C14orf119: variants seen among roughly 807,000 people sequenced by gnomAD.
C14orf119 encodes chromosome 14 open reading frame 119.
In C14orf119, 17 loss-of-function variants were observed where a neutral mutation model predicts 13.5. The observed-to-expected ratio is 1.26, with a 90% CI of 0.86 to 1.88. The LOEUF is 1.88. Ranked by LOEUF, C14orf119 falls within the 40% of genes most tolerant of loss-of-function variation. The pLI, the probability that C14orf119 is intolerant of heterozygous loss-of-function variation, is 0.00. For missense variants in C14orf119, 162 were observed against 165.9 expected, an observed-to-expected ratio of 0.98 and a Z score of 0.13; for synonymous variants, 61 against 61.9, an observed-to-expected ratio of 0.99 and a Z score of 0.07.
In C14orf119 at chr14:23,098,145, T is replaced by G. The variant is rs936391968; in HGVS notation, c.*64T>G. On this transcript the variant is annotated 3_prime_UTR_variant, in exon 2 of 2. Coordinates refer to ENST00000319074, the MANE Select transcript of C14orf119 (RefSeq NM_017924.4). ...AGCCATGACTCTCTACAATGATAAC[T>G]CAATTCAAATGTGTCGCCTAAAGCT... is the stretch of plus-strand genomic sequence containing the variant. 9.2e-6 allele frequency: 14 copies of G among 1,530,028 alleles called. No homozygotes were observed. In the African/African-American group the frequency reaches 1.8e-4, roughly 20 times the overall value. The allele number at this position is 1,530,028 out of a possible 1,614,324, so 94.8% of individuals were successfully genotyped here. A position where few individuals can be genotyped will look rare whatever the true frequency, so the allele number is the denominator to read the frequency against.
Position 23,099,792 on chromosome 14 carries a change from A to G in C14orf119, c.*1711A>G, listed in dbSNP as rs1367036883. ...CCGCCTCATCCAAGCATTAAGCTAA[A>G]CAGGAAATCATTAAGAGGGACTATC... is the stretch of plus-strand genomic sequence containing the variant. On this transcript the variant is annotated 3_prime_UTR_variant, in exon 2 of 2. Coordinates refer to ENST00000319074, the MANE Select transcript of C14orf119 (RefSeq NM_017924.4). The G allele has an allele frequency of 4.6e-6, 1 of 217,902 alleles. No homozygotes were observed. Among genetic ancestry groups the G allele is most frequent in the East Asian group, 1.0e-4 (1 of 9,714 alleles). The allele number at this position is 217,902 out of a possible 1,614,324, so 13.5% of individuals were successfully genotyped here. A position where few individuals can be genotyped will look rare whatever the true frequency, so the allele number is the denominator to read the frequency against.
At position 23,097,986 on chromosome 14, in the gene C14orf119, G is replaced by T; in HGVS notation, c.328G>T (p.Glu110Ter). 6.2e-7 allele frequency: 1 copy of T among 1,614,180 alleles called. No individual in the cohort carries two copies. Among genetic ancestry groups the T allele is most frequent in the Non-Finnish European group, 8.5e-7 (1 of 1,180,020 alleles). Residue 110 changes from glutamate (E) to a stop codon, truncating the protein, a stop_gained, in exon 2 of 2, where the codon GAG becomes TAG. Transcript: ENST00000319074. LOFTEE classifies it high-confidence loss of function. ...DQWFRGWAEQ[E>*]RNEFVRQLEF... ...GTGGTTTCGAGGCTGGGCTGAGCAG[G>T]AGCGCAATGAATTTGTCAGACAGCT...
chr14:23,096,150 G>A (rs776823158), intron 1 of C14orf119, among the ~76,000 whole-genome samples: 7 of 152,226 alleles, frequency 4.6e-5, no homozygotes, highest in African/African-American at 9.6e-5. Flanking sequence ...TAAGAGATAC[G>A]TTAGAGATTT....
chr14:23,097,701 T>C lies in C14orf119; in HGVS notation c.43T>C (p.Ser15Pro), dbSNP rs912759895. 3.1e-6 allele frequency: 5 copies of C among 1,614,016 alleles called. No homozygotes were observed. In the African/African-American group the frequency reaches 6.7e-5, roughly 22 times the overall value. ...SSSSMPLSFPSLLPSVPHNTN... is the reference protein window; with the variant it reads ...SSSSMPLSFPPLLPSVPHNTN... ...CTCTTCAATGCCACTATCCTTCCCA[T>C]CTCTCTTACCCTCAGTACCACACAA... Residue 15 changes from serine (S) to proline (P), a missense_variant, in exon 2 of 2, where the codon TCT becomes CCT. Coordinates refer to ENST00000319074, the MANE Select transcript of C14orf119 (RefSeq NM_017924.4).
rs2048410884 is a variant in C14orf119 at position 23,099,262 on chromosome 14, CT to C, written c.*1182del. 2 of 413,492 alleles carry C rather than the reference CT, an allele frequency of 4.8e-6. No homozygotes were observed. Among genetic ancestry groups the C allele is most frequent in the African/African-American group, 2.1e-5 (1 of 48,750 alleles). The allele number at this position is 413,492 out of a possible 1,614,324, so 25.6% of individuals were successfully genotyped here. A position where few individuals can be genotyped will look rare whatever the true frequency, so the allele number is the denominator to read the frequency against. ...AAGAAATTATTCTCTTCCTTACCCCCTGTCATGTTCTGGGCAACATCACACC... is the reference window on the plus strand; with the variant it reads ...AAGAAATTATTCTCTTCCTTACCCCCGTCATGTTCTGGGCAACATCACACC... On this transcript the variant is annotated 3_prime_UTR_variant, in exon 2 of 2. Transcript: ENST00000319074.
At position 23,097,633 on chromosome 14, in the gene C14orf119, A is replaced by G. The variant is rs202135903; in HGVS notation, c.-1-25A>G. ...ATTTTCGTTGCTCTACCTGGAGAGC[A>G]TATAACAGTGCTTTTATGTTTCAGG... On this transcript the variant is annotated intron_variant, in intron 1 of 1. Transcript: ENST00000319074. The G allele has an allele frequency of 5.9e-5, 94 of 1,606,142 alleles. 1 individual carries two copies. The East Asian group carries it at 1.9e-3, about 33-fold the overall frequency.
At position 23,100,097 on chromosome 14, in the gene C14orf119, A is replaced by G. The variant is rs2048418475; in HGVS notation, c.*2016A>G. The G allele has an allele frequency of 6.3e-6, 1 of 159,460 alleles. No individual in the cohort carries two copies. The highest frequency in any genetic ancestry group is 2.4e-5 in the African/African-American group (1 of 41,628). The allele number at this position is 159,460 out of a possible 1,614,324, so 9.9% of individuals were successfully genotyped here. A position where few individuals can be genotyped will look rare whatever the true frequency, so the allele number is the denominator to read the frequency against. ...CATGGTGAAACTGTCTCTATCAAAA[A>G]TACAAAAATTAGCTGGCATGGTGGT... On this transcript the variant is annotated 3_prime_UTR_variant, in exon 2 of 2. Transcript: ENST00000319074.
Position 23,097,698 on chromosome 14 carries a change from CCATCTCTCTTACCCTCAGTA to C in C14orf119, c.42_61del (p.Ser15ThrfsTer4). The C allele has an allele frequency of 6.2e-7, 1 of 1,614,136 alleles. No individual in the cohort carries two copies. Among genetic ancestry groups the C allele is most frequent in the Non-Finnish European group, 8.5e-7 (1 of 1,179,992 alleles). ...ATCCTCTTCAATGCCACTATCCTTC[CCATCTCTCTTACCCTCAGTA>C]CCACACAATACTAACCCTTCCCCTC... On this transcript the variant is annotated frameshift_variant, in exon 2 of 2. Coordinates refer to ENST00000319074, the MANE Select transcript of C14orf119 (RefSeq NM_017924.4). LOFTEE classifies it high-confidence loss of function.
chr14:23,097,226 C>T (rs1218328320), intron 1 of C14orf119, among the ~76,000 whole-genome samples: 1 of 152,170 alleles, frequency 6.6e-6, no homozygotes, highest in African/African-American at 2.4e-5. Flanking sequence ...TTAGCATCAG[C>T]CTTGACCAGC....
At chr14:23,096,617 C>T (rs1174561472) in intron 1 of C14orf119, among the ~76,000 whole-genome samples, 1 of 149,756 alleles carries the variant, frequency 6.7e-6, no homozygotes, top group East Asian at 1.9e-4. Context: ...TCCACTCTGA[C>T]GCAGGCTGGA....
chr14:23,099,813 C>A lies in C14orf119; in HGVS notation c.*1732C>A. On this transcript the variant is annotated 3_prime_UTR_variant, in exon 2 of 2. Coordinates refer to ENST00000319074, the MANE Select transcript of C14orf119 (RefSeq NM_017924.4). ...CTAAACAGGAAATCATTAAGAGGGA[C>A]TATCGAACCTTAAAGTAGAAATAAG... is the stretch of plus-strand genomic sequence containing the variant. The A allele has an allele frequency of 5.0e-6, 1 of 200,280 alleles. No individual in the cohort carries two copies. Among genetic ancestry groups the A allele is most frequent in the Admixed American group, 6.1e-5 (1 of 16,284 alleles). The allele number at this position is 200,280 out of a possible 1,614,324, so 12.4% of individuals were successfully genotyped here.
At position 23,096,508 on chromosome 14, in the gene C14orf119, C is replaced by CAAAAAA. The variant is rs61586635; in HGVS notation, c.-2+910_-2+915dup. Among the ~76,000 whole-genome samples the CAAAAAA allele has an allele frequency of 1.3e-3, 79 of 62,652 alleles. 2 individuals carry two copies. The highest frequency in any genetic ancestry group is 6.0e-3 in the African/African-American group (75 of 12,564). The allele number at this position is 62,652 out of a possible 152,430, so 41.1% of individuals were successfully genotyped here. ...TGGGTGACAGAGCAAGACTCCGTCTCAAAAAAAAAAAAAAAAAAAAAAAAA... is the reference window on the plus strand; with the variant it reads ...TGGGTGACAGAGCAAGACTCCGTCTCAAAAAAAAAAAAAAAAAAAAAAAAAAAAAAA... On this transcript the variant is annotated intron_variant, in intron 1 of 1. Coordinates refer to ENST00000319074, the MANE Select transcript of C14orf119 (RefSeq NM_017924.4).
At position 23,099,046 on chromosome 14, in the gene C14orf119, C is replaced by G. The variant is rs544286111; in HGVS notation, c.*965C>G. The G allele has an allele frequency of 2.1e-5, 7 of 336,872 alleles. No homozygotes were observed. Among genetic ancestry groups the G allele is most frequent in the Non-Finnish European group, 3.9e-5 (7 of 178,356 alleles). The allele number at this position is 336,872 out of a possible 1,614,324, so 20.9% of individuals were successfully genotyped here. A position where few individuals can be genotyped will look rare whatever the true frequency, so the allele number is the denominator to read the frequency against. On this transcript the variant is annotated 3_prime_UTR_variant, in exon 2 of 2. Coordinates refer to ENST00000319074, the MANE Select transcript of C14orf119 (RefSeq NM_017924.4). ...TCTGTAAGTTTGCTTTACAACAATACGAAAATAAGTGACAATTTACAGGTT... is the reference window on the plus strand; with the variant it reads ...TCTGTAAGTTTGCTTTACAACAATAGGAAAATAAGTGACAATTTACAGGTT...
chr14:23,095,587 A>G lies in C14orf119; in HGVS notation c.-34A>G. 1 of 391,668 alleles carries G rather than the reference A, an allele frequency of 2.6e-6. No individual in the cohort carries two copies. Among genetic ancestry groups the G allele is most frequent in the South Asian group, 3.3e-5 (1 of 30,056 alleles). 24.3% of individuals were successfully genotyped at this position (391,668 alleles called of 1,614,324 possible). On this transcript the variant is annotated 5_prime_UTR_variant, in exon 1 of 2. Coordinates refer to ENST00000319074, the MANE Select transcript of C14orf119 (RefSeq NM_017924.4). ...TAGTTGGAGTCTAAGGACTCGTGAC[A>G]ATCTTCGGGTGCCCTTCGAGAGAAA...
rs1190689990 is a variant in C14orf119, at chr14:23,098,381, C to T, written c.*300C>T. 6.1e-6 allele frequency: 2 copies of T among 329,738 alleles called. No homozygotes were observed. The highest frequency in any genetic ancestry group is 1.2e-5 in the Non-Finnish European group (2 of 165,192). 20.4% of individuals were successfully genotyped at this position (329,738 alleles called of 1,614,324 possible). A position where few individuals can be genotyped will look rare whatever the true frequency, so the allele number is the denominator to read the frequency against. Reference sequence around the variant, plus strand: ...CTTCTGCAGCTATAACCACAAGGAACCTACACATTGTAACTCAAGTCCACT... The same window carrying T: ...CTTCTGCAGCTATAACCACAAGGAATCTACACATTGTAACTCAAGTCCACT... On this transcript the variant is annotated 3_prime_UTR_variant, in exon 2 of 2. Coordinates refer to ENST00000319074, the MANE Select transcript of C14orf119 (RefSeq NM_017924.4).
At position 23,098,633 on chromosome 14, in the gene C14orf119, C is replaced by T. The variant is rs1266950145; in HGVS notation, c.*552C>T. On this transcript the variant is annotated 3_prime_UTR_variant, in exon 2 of 2. Coordinates refer to ENST00000319074, the MANE Select transcript of C14orf119 (RefSeq NM_017924.4). Reference sequence around the variant, plus strand: ...AGATAATTAGTTGCTTCCTCCTTCACACTGTTTGAATCGAACTCGCGGTGA... The same window carrying T: ...AGATAATTAGTTGCTTCCTCCTTCATACTGTTTGAATCGAACTCGCGGTGA... The T allele has an allele frequency of 5.9e-6, 1 of 169,330 alleles. No individual in the cohort carries two copies. The highest frequency in any genetic ancestry group is 1.4e-5 in the Non-Finnish European group (1 of 69,890). The allele number at this position is 169,330 out of a possible 1,614,324, so 10.5% of individuals were successfully genotyped here.
rs754087830 is a variant in C14orf119, at chr14:23,097,688, A to G, written c.30A>G (p.Pro10=). 3.1e-6 allele frequency: 5 copies of G among 1,614,086 alleles called. No individual in the cohort carries two copies. The highest frequency in any genetic ancestry group is 1.7e-5 in the Admixed American group (1 of 60,018). MPLESSSSM[P]LSFPSLLPSV... ...CACTGGAGTCATCCTCTTCAATGCC[A>G]CTATCCTTCCCATCTCTCTTACCCT... Residue 10 remains proline (P), a synonymous_variant, in exon 2 of 2, where the codon CCA becomes CCG. Coordinates refer to ENST00000319074, the MANE Select transcript of C14orf119 (RefSeq NM_017924.4).
At position 23,098,069 on chromosome 14, in the gene C14orf119, T is replaced by C; in HGVS notation, c.411T>C (p.Ala137=). The C allele has an allele frequency of 1.2e-6, 2 of 1,613,510 alleles. No individual in the cohort carries two copies. Among genetic ancestry groups the C allele is most frequent in the African/African-American group, 1.3e-5 (1 of 74,996 alleles). Residue 137 remains alanine (A), a synonymous_variant, in exon 2 of 2, where the codon GCT becomes GCC. Transcript: ENST00000319074. Reference sequence around the variant, plus strand: ...TTTACCAAGCAGTGGCTGCTACAGCTGGTAAGGACTGATAGGCATTCAGAC... The same window carrying C: ...TTTACCAAGCAGTGGCTGCTACAGCCGGTAAGGACTGATAGGCATTCAGAC... ...AKFYQAVAAT[A]GKD is the part of the protein sequence containing the mutation.
rs945370412 is a variant in C14orf119 at position 23,099,261 on chromosome 14, C to T, written c.*1180C>T. 1 of 413,448 alleles carries T rather than the reference C, an allele frequency of 2.4e-6. No individual in the cohort carries two copies. Among genetic ancestry groups the T allele is most frequent in the Admixed American group, 4.4e-5 (1 of 22,732 alleles). 25.6% of individuals were successfully genotyped at this position (413,448 alleles called of 1,614,324 possible). On this transcript the variant is annotated 3_prime_UTR_variant, in exon 2 of 2. Coordinates refer to ENST00000319074, the MANE Select transcript of C14orf119 (RefSeq NM_017924.4). ...CAAGAAATTATTCTCTTCCTTACCC[C>T]CTGTCATGTTCTGGGCAACATCACA...
Sources: allele counts gnomAD v4.1 joint callset (sites outside exome capture counted in the v4.1 genomes callset), GRCh38; gene constraint gnomAD v4.1.1; transcripts MANE v1.5; gene names NCBI Gene and HGNC (gene_info 2026-07-23, HGNC 2026-07-21).